PDE10A: variants seen among roughly 807,000 people sequenced by gnomAD.
PDE10A encodes the protein phosphodiesterase 10A.
PDE10A carries 39 observed loss-of-function variants against 97.7 expected under a neutral mutation model. The observed-to-expected ratio is 0.40, with a 90% confidence interval of 0.31 to 0.52. The LOEUF is 0.52. Among genes scored for constraint, PDE10A ranks in the 20% least tolerant of loss-of-function variants. The pLI, the probability that PDE10A is intolerant of heterozygous loss-of-function variation, is 0.56. For synonymous variants in PDE10A, 371 were observed against 376.8 expected (o/e 0.98, Z 0.18); for missense variants, 731 against 1,047.8 (o/e 0.70, Z 4.17).
chr6:165,606,753 T>C (rs1787228577), intron 1 of PDE10A, among the ~76,000 whole-genome samples: 1 of 152,022 alleles, frequency 6.6e-6, no homozygotes, highest in African/African-American at 2.4e-5. Context: ...GATAAAACAG[T>C]AAATCAAGTA....
chr6:165,500,439 G>C (rs149382861), intron 2 of PDE10A, among the ~76,000 whole-genome samples: 1 of 152,188 alleles, frequency 6.6e-6, no homozygotes, highest in African/African-American at 2.4e-5. Context: ...GACCTGTGCT[G>C]TGTTGACTCA....
intron 16 of PDE10A, among the ~76,000 whole-genome samples, chr6:165,390,946 T>C (rs1785667882): frequency 6.6e-6 from 1 of 152,190 alleles, no homozygotes; most frequent in Non-Finnish European, 1.5e-5. Context: ...TTTGGGGTGG[T>C]TTCCATGTTA....
At chr6:165,860,682 C>T (rs1374469977) in intron 1 of PDE10A, among the ~76,000 whole-genome samples, 1 of 152,180 alleles carries the variant, frequency 6.6e-6, no homozygotes, top group African/African-American at 2.4e-5. Flanking sequence ...TACATTTTAG[C>T]AAGTAGGCGA....
rs545651347 is a variant in PDE10A at position 165,819,292 on chromosome 6, C to T, written c.-615+168237G>A. ...CGTCCACACGTCAGCAGTTGCCCAG[C>T]CTCATGACTTCTACCTCTTAAGTAT... On this transcript the variant is annotated intron_variant, in intron 1 of 19. Transcript: ENST00000366882. This position sits in a 1 kb window ranked among gnomAD's most constrained non-coding sequence, Gnocchi z 4.2. Among the ~76,000 whole-genome samples, 4 of 152,362 alleles carry T rather than the reference C, an allele frequency of 2.6e-5. No individual in the cohort carries two copies. In the East Asian group the frequency reaches 5.8e-4, roughly 22 times the overall value.
chr6:165,558,203 C>T lies in PDE10A; in HGVS notation c.866-14635G>A, dbSNP rs9459449. On this transcript the variant is annotated intron_variant, in intron 1 of 21. Transcript: ENST00000539869. The stretch of plus-strand genomic sequence containing the variant: ...ACAATAGCAAAGACTTGGAACCAAC[C>T]CAAATGTCCGTCAATGACAGACTGG... Among the ~76,000 whole-genome samples the T allele has an allele frequency of 4.7e-3, 711 of 152,212 alleles. 8 individuals are homozygous for T. Among genetic ancestry groups the T allele is most frequent in the African/African-American group, 0.016 (671 of 41,516 alleles).
chr6:165,479,915 C>A (rs1779507505), intron 3 of PDE10A, among the ~76,000 whole-genome samples: 1 of 152,092 alleles, frequency 6.6e-6, no homozygotes, highest in Non-Finnish European at 1.5e-5. Flanking sequence ...AGCTCAATAA[C>A]CAGAAATGGA....
chr6:165,491,192 C>T (rs1425805819), intron 2 of PDE10A, among the ~76,000 whole-genome samples: 1 of 151,972 alleles, frequency 6.6e-6, no homozygotes, highest in Non-Finnish European at 1.5e-5. Context: ...AGAACTAGTC[C>T]AACAGAAAAA....
At chr6:165,811,222 CA>C (rs1186253268) in intron 1 of PDE10A, among the ~76,000 whole-genome samples, 1 of 151,838 alleles carries the variant, frequency 6.6e-6, no homozygotes, top group Non-Finnish European at 1.5e-5. Flanking sequence ...GACTCCGTCT[CA>C]AAAAAAACAA....
At chr6:165,874,297 C>T (rs962034749) in intron 1 of PDE10A, among the ~76,000 whole-genome samples, 7 of 152,140 alleles carry the variant, frequency 4.6e-5, no homozygotes, top group African/African-American at 1.7e-4. Context: ...GAGTTACCTG[C>T]TTCTGGGAGA....
chr6:165,693,225 G>A (rs948996869), intron 1 of PDE10A, among the ~76,000 whole-genome samples: 19 of 152,104 alleles, frequency 1.2e-4, no homozygotes, highest in African/African-American at 4.6e-4. Context: ...CATTAGTTGA[G>A]TGAAACATTT....
At chr6:165,434,730 C>T (rs933784006) in intron 6 of PDE10A, among the ~76,000 whole-genome samples, 1 of 152,178 alleles carries the variant, frequency 6.6e-6, no homozygotes, top group African/African-American at 2.4e-5. Context: ...ACAGGGAAAG[C>T]GATGGCATAA....
At chr6:165,639,950 G>A (rs1789052398) in intron 1 of PDE10A, among the ~76,000 whole-genome samples, 1 of 151,590 alleles carries the variant, frequency 6.6e-6, no homozygotes. Context: ...CACACCTGTG[G>A]TCCCGACGAC....
chr6:165,371,338 C>G (rs1383553669), intron 18 of PDE10A, among the ~76,000 whole-genome samples: 1 of 151,970 alleles, frequency 6.6e-6, no homozygotes, highest in Middle Eastern at 3.2e-3. Context: ...GCTAGCAAGA[C>G]TACTAAAGAA....
intron 3 of PDE10A, among the ~76,000 whole-genome samples, chr6:165,479,354 T>G (rs1779472817): frequency 6.6e-6 from 1 of 152,102 alleles, no homozygotes. Context: ...ATTCCAACCT[T>G]ATTTCTTACT....
chr6:165,609,310 C>G (rs575895084), intron 1 of PDE10A, among the ~76,000 whole-genome samples: 1 of 152,214 alleles, frequency 6.6e-6, no homozygotes, highest in Non-Finnish European at 1.5e-5. Context: ...ATTCAACAGC[C>G]CTTCATGCTA....
chr6:165,704,155 C>T (rs111436923), intron 1 of PDE10A, among the ~76,000 whole-genome samples: 1,860 of 152,208 alleles, frequency 0.012, 39 homozygotes, highest in African/African-American at 0.043. Context: ...TCTCAGGCTC[C>T]GGGCCAGCAA....
chr6:165,872,123 C>T (rs1781220884), intron 1 of PDE10A, among the ~76,000 whole-genome samples: 1 of 152,070 alleles, frequency 6.6e-6, no homozygotes, highest in Non-Finnish European at 1.5e-5. Context: ...TTAGAGCATG[C>T]CTTTATGAAA....
intron 18 of PDE10A, among the ~76,000 whole-genome samples, chr6:165,346,907 T>C (rs1048290840): frequency 2.6e-5 from 4 of 152,200 alleles, no homozygotes; most frequent in African/African-American, 7.2e-5. Context: ...TAATTATTAC[T>C]GTGAGAGTGG....
chr6:165,482,459 T>A (rs1015761449), intron 2 of PDE10A, 116 bp from the exon 3 acceptor site: 3 of 766,448 alleles, frequency 3.9e-6, no homozygotes, highest in Admixed American at 3.8e-5. Flanking sequence ...ATGCTTCCTC[T>A]TACGAAATCT....
Sources: gnomAD v4.1 joint callset for allele counts (sites outside exome capture counted in the v4.1 genomes callset) on GRCh38, gnomAD v4.1.1 for gene constraint, Gnocchi (gnomAD v3.1) non-coding constraint, MANE v1.5 for transcripts, NCBI Gene and HGNC (gene_info 2026-07-23, HGNC 2026-07-21) for gene names.